The following SULT1B1 variants were observed in gnomAD, a reference collection of about 807,000 sequenced individuals.
SULT1B1 encodes sulfotransferase 1B1.
Under a neutral mutation model 34.6 loss-of-function variants are expected in SULT1B1, and 28 were observed. The observed-to-expected ratio is 0.81, with a 90% CI of 0.60 to 1.11. SULT1B1 has a LOEUF of 1.11. Among genes scored for constraint, SULT1B1 ranks in the 50% least tolerant of loss-of-function variants. The pLI is 0.00. For synonymous variants in SULT1B1, 147 were observed against 110.2 expected (o/e 1.33, Z -2.09); for missense variants, 374 against 352.2 (o/e 1.06, Z -0.50).
At chr4:69,748,280 G>A (rs1216925901) in intron 4 of SULT1B1, among the ~76,000 whole-genome samples, 2 of 151,992 alleles carry the variant, frequency 1.3e-5, no homozygotes, top group Non-Finnish European at 2.9e-5. Flanking sequence ...AAAATTACAA[G>A]GCACATTACA....
chr4:69,727,295 A>T (rs1166954429), intron 7 of SULT1B1, 95 bp from the exon 8 acceptor site: 1 of 784,956 alleles, frequency 1.3e-6, no homozygotes, highest in Non-Finnish European at 1.9e-6. Context: ...GCCTAAAGAA[A>T]GACCTTCCTT....
intron 6 of SULT1B1, 52 bp from the exon 7 acceptor site, chr4:69,730,733 A>C (rs1320614637): frequency 3.4e-6 from 5 of 1,479,422 alleles, no homozygotes; most frequent in Non-Finnish European, 3.7e-6. Flanking sequence ...CACAATGTGA[A>C]TATTTATAAA....
At chr4:69,734,504 T>G (rs1428629439) in intron 4 of SULT1B1, among the ~76,000 whole-genome samples, 2 of 152,106 alleles carry the variant, frequency 1.3e-5, no homozygotes, top group Non-Finnish European at 2.9e-5. Flanking sequence ...AGATTTCAGT[T>G]TCTGGCCACT....
intron 4 of SULT1B1, among the ~76,000 whole-genome samples, chr4:69,734,763 T>C (rs180870699): frequency 6.6e-6 from 1 of 151,434 alleles, no homozygotes; most frequent in Non-Finnish European, 1.5e-5. Flanking sequence ...GGCATTAAAA[T>C]AAGTTTGGGG....
At chr4:69,760,021 C>G (rs1422885457) in intron 1 of SULT1B1, among the ~76,000 whole-genome samples, 1 of 152,192 alleles carries the variant, frequency 6.6e-6, no homozygotes, top group Non-Finnish European at 1.5e-5. Flanking sequence ...TTAGCTCTAT[C>G]TGATACACAT....
intron 4 of SULT1B1, among the ~76,000 whole-genome samples, chr4:69,739,256 T>C (rs1450793700): frequency 6.6e-6 from 1 of 152,224 alleles, no homozygotes; most frequent in East Asian, 1.9e-4. Flanking sequence ...ATTTCCCTTC[T>C]GCACTGCCCT....
chr4:69,721,718 T>A lies in SULT1B1; in HGVS notation c.*5370A>T, dbSNP rs1026421155. 7.9e-5 allele frequency: 12 copies of A among 152,174 alleles called. No individual in the cohort carries two copies. Among genetic ancestry groups the A allele is most frequent in the Admixed American group, 7.9e-4 (12 of 15,260 alleles). The allele number at this position is 152,174 out of a possible 1,614,324, so 9.4% of individuals were successfully genotyped here. On this transcript the variant is annotated 3_prime_UTR_variant, in exon 8 of 8. Coordinates refer to ENST00000310613, the MANE Select transcript of SULT1B1 (RefSeq NM_014465.4). The stretch of plus-strand genomic sequence containing the variant: ...ACACTTCCCTTTGAATGTATGAATC[T>A]GAGTGTCTATCCATGTCATGATGAA...
At chr4:69,731,965 T>G (rs1023818232) in intron 6 of SULT1B1, among the ~76,000 whole-genome samples, 1 of 152,204 alleles carries the variant, frequency 6.6e-6, no homozygotes, top group African/African-American at 2.4e-5. Flanking sequence ...TGCCAGAAGC[T>G]AAAATTGTTC....
At chr4:69,743,639 C>T (rs1332432035) in intron 4 of SULT1B1, among the ~76,000 whole-genome samples, 1 of 152,216 alleles carries the variant, frequency 6.6e-6, no homozygotes, top group African/African-American at 2.4e-5. Context: ...AGGCCAGCTT[C>T]GACCTGCCCT....
intron 4 of SULT1B1, among the ~76,000 whole-genome samples, chr4:69,744,918 T>C (rs1296028584): frequency 1.3e-5 from 2 of 152,234 alleles, no homozygotes; most frequent in African/African-American, 2.4e-5. Context: ...TCTGATATGT[T>C]GTGTCTTTGT....
intron 4 of SULT1B1, among the ~76,000 whole-genome samples, chr4:69,744,646 A>G (rs1560527077): frequency 1.3e-5 from 2 of 151,978 alleles, no homozygotes; most frequent in Admixed American, 6.5e-5. Context: ...AGCTAGTGGT[A>G]TATCTTATTT....
chr4:69,741,517 C>T (rs1239528177), intron 4 of SULT1B1, among the ~76,000 whole-genome samples: 1 of 152,168 alleles, frequency 6.6e-6, no homozygotes, highest in Non-Finnish European at 1.5e-5. Flanking sequence ...TATACATGGG[C>T]ATGAAATGTT....
At chr4:69,758,420 G>A (rs1166360022) in intron 1 of SULT1B1, 3 of 985,202 alleles carry the variant, frequency 3.0e-6, no homozygotes, top group East Asian at 2.3e-4. Context: ...TCCACATGAT[G>A]AATGAAATAG....
chr4:69,725,554 A>G lies in SULT1B1; in HGVS notation c.*1534T>C, dbSNP rs549927791. The G allele has an allele frequency of 6.6e-6, 1 of 152,296 alleles. No individual in the cohort carries two copies. Among genetic ancestry groups the G allele is most frequent in the Non-Finnish European group, 1.5e-5 (1 of 68,016 alleles). 9.4% of individuals were successfully genotyped at this position (152,296 alleles called of 1,614,324 possible). On this transcript the variant is annotated 3_prime_UTR_variant, in exon 8 of 8. Transcript: ENST00000310613. ...CCAAAGGATTATAAATCATGCTGCT[A>G]TAAAGACACATGCACACGTATATTT...
At chr4:69,729,103 G>A (rs536280166) in intron 7 of SULT1B1, among the ~76,000 whole-genome samples, 1 of 151,960 alleles carries the variant, frequency 6.6e-6, no homozygotes, top group East Asian at 1.9e-4. Flanking sequence ...AAAATTTCTG[G>A]GAAATTATAT....
In SULT1B1 at chr4:69,755,070, C is replaced by T. The variant is rs915021814; in HGVS notation, c.148G>A (p.Gly50Ser). Residue 50 changes from glycine (G) to serine (S), a missense_variant and splice_region_variant, in exon 2 of 8, where the codon GGT becomes AGT. Physicochemically the swap from Gly to Ser is moderately conservative, Grantham distance 56 (BLOSUM62 0). Coordinates refer to ENST00000310613, the MANE Select transcript of SULT1B1 (RefSeq NM_014465.4). ...DIVIATYPKS[G>S]TTWVSEIIDM... ...GAATTTGTCAGGCCACAGAACTCAC[C>T]TGATTTAGGATAAGTGGCTATCACA... 2.2e-5 allele frequency: 36 copies of T among 1,610,530 alleles called. No homozygotes were observed. In the Admixed American group the frequency reaches 6.0e-4, roughly 27 times the overall value.
chr4:69,748,245 A>T (rs1162524487), intron 4 of SULT1B1, among the ~76,000 whole-genome samples: 1 of 152,212 alleles, frequency 6.6e-6, no homozygotes, highest in Non-Finnish European at 1.5e-5. Context: ...TATCAATACA[A>T]GACAAGATAG....
chr4:69,758,488 A>G (rs760549976), intron 1 of SULT1B1: 43 of 984,668 alleles, frequency 4.4e-5, no homozygotes, highest in Non-Finnish European at 4.9e-5. Flanking sequence ...TTCCCAAATT[A>G]TCTAAAGGGA....
chr4:69,727,215 A>T lies in SULT1B1; in HGVS notation c.779-15T>A. On this transcript the variant is annotated splice_polypyrimidine_tract_variant and intron_variant, in intron 7 of 7. Coordinates refer to ENST00000310613, the MANE Select transcript of SULT1B1 (RefSeq NM_014465.4). Reference sequence around the variant, plus strand: ...ACCAGCCGTCCCTAAAGGTAAATAAAAAAACATAGGAAAGAATAAAATATT... The same window carrying T: ...ACCAGCCGTCCCTAAAGGTAAATAATAAAACATAGGAAAGAATAAAATATT... 1 of 1,588,516 alleles carries T rather than the reference A, an allele frequency of 6.3e-7. No homozygotes were observed. Among genetic ancestry groups the T allele is most frequent in the Non-Finnish European group, 8.6e-7 (1 of 1,166,352 alleles).
Sources: allele counts gnomAD v4.1 joint callset (sites outside exome capture counted in the v4.1 genomes callset), GRCh38; gene constraint gnomAD v4.1.1; transcripts MANE v1.5; gene names NCBI Gene and HGNC (gene_info 2026-07-23, HGNC 2026-07-21).